ZCCHC4: variants seen among roughly 807,000 people sequenced by gnomAD.
ZCCHC4 encodes rRNA N(6)-adenosine-methyltransferase ZCCHC4.
In ZCCHC4, 54 loss-of-function variants were observed where a neutral mutation model predicts 67.7. The observed-to-expected ratio is 0.80, with a 90% CI of 0.64 to 1.00. The LOEUF is 1.00. Ranked by LOEUF, ZCCHC4 falls within the 50% of genes least tolerant of loss-of-function variation. The pLI is 0.00. For missense variants in ZCCHC4, 609 were observed against 617.0 expected (o/e 0.99, Z 0.14); for synonymous variants, 198 against 213.5 (o/e 0.93, Z 0.63).
intron 8 of ZCCHC4, among the ~76,000 whole-genome samples, chr4:25,355,914 G>T (rs1319846984): frequency 1.3e-5 from 2 of 152,190 alleles, no homozygotes; most frequent in South Asian, 2.1e-4. Context: ...CTTTGTGTGT[G>T]TGCTGAAATC....
At chr4:25,335,769 A>G (rs1719430146) in intron 5 of ZCCHC4, among the ~76,000 whole-genome samples, 1 of 152,208 alleles carries the variant, frequency 6.6e-6, no homozygotes, top group Admixed American at 6.5e-5. Context: ...TCAAAAAAAT[A>G]AAATGAAGTG....
chr4:25,327,615 G>T (rs1319351574), intron 3 of ZCCHC4, among the ~76,000 whole-genome samples: 1 of 152,066 alleles, frequency 6.6e-6, no homozygotes, highest in Non-Finnish European at 1.5e-5. Context: ...CAGTAGCTGG[G>T]ACTATAGGTG....
chr4:25,345,705 C>A, intron 6 of ZCCHC4, 85 bp downstream of exon 6: 2 of 874,656 alleles, frequency 2.3e-6, no homozygotes, highest in South Asian at 1.6e-5. Context: ...TTTCTAAATT[C>A]CCTCAAGGTC....
intron 4 of ZCCHC4, 90 bp from the exon 5 acceptor site, chr4:25,333,818 A>G (rs894109395): frequency 1.1e-6 from 1 of 901,920 alleles, no homozygotes; most frequent in Non-Finnish European, 1.6e-6. Flanking sequence ...CATAAATACC[A>G]GAAGAACATT....
At position 25,361,469 on chromosome 4, in the gene ZCCHC4, G is replaced by A. The variant is rs753146536; in HGVS notation, c.1012-390G>A. Among the ~76,000 whole-genome samples, 8 of 152,344 alleles carry A rather than the reference G, an allele frequency of 5.3e-5. No homozygotes were observed. The East Asian group carries it at 1.4e-3, about 26-fold the overall frequency. On this transcript the variant is annotated intron_variant, in intron 8 of 12. Transcript: ENST00000302874. ...ACAACTCCACATGTTATATAACCAC[G>A]CCATGTGAGGCTCATTAGGTGATCA...
At position 25,313,002 on chromosome 4, in the gene ZCCHC4, C is replaced by CT; in HGVS notation, c.127+70dup. 3 of 1,578,290 alleles carry CT rather than the reference C, an allele frequency of 1.9e-6. No individual in the cohort carries two copies. In the Admixed American group the frequency reaches 5.3e-5, roughly 28 times the overall value. On this transcript the variant is annotated intron_variant, in intron 1 of 12. Transcript: ENST00000302874. ...AGGGTGTGAGTTGGCTTGGAAGTGG[C>CT]TTTTGGGGCTCCTGTATTTTTACCC...
rs1000134812 is a variant in ZCCHC4 at position 25,314,159 on chromosome 4, G to C, written c.241G>C (p.Glu81Gln). 5.7e-6 allele frequency: 9 copies of C among 1,578,662 alleles called. No homozygotes were observed. The highest frequency in any genetic ancestry group is 7.7e-6 in the Non-Finnish European group (9 of 1,162,678). ...CTGTAATTTTTTTCAGTGGGAAGAT[G>C]AAAAGGTATATCAACTTTTTGGATA... ...KDCNFFQWED[E>Q]KLSGARLAAR... is the part of the protein sequence containing the mutation. The change falls in exon 2 of 13, where the codon GAA becomes CAA. Residue 81 changes from glutamate to glutamine, a missense_variant. By Grantham distance (29) the Glu-to-Gln change is conservative (BLOSUM62 2). Transcript: ENST00000302874.
intron 12 of ZCCHC4, among the ~76,000 whole-genome samples, chr4:25,368,626 G>T (rs1721034674): frequency 6.6e-6 from 1 of 152,122 alleles, no homozygotes; most frequent in Non-Finnish European, 1.5e-5. Context: ...TGTCTCTGCT[G>T]ACTGCCCCAT....
At chr4:25,342,222 A>G (rs954460729) in intron 5 of ZCCHC4, among the ~76,000 whole-genome samples, 1 of 152,128 alleles carries the variant, frequency 6.6e-6, no homozygotes, top group African/African-American at 2.4e-5. Context: ...AGCATGACGG[A>G]GTGTGTGGTT....
intron 12 of ZCCHC4, chr4:25,366,390 A>G (rs1720952474): frequency 5.7e-6 from 3 of 527,460 alleles, no homozygotes; most frequent in African/African-American, 2.2e-5. Context: ...ATCTCGGCTC[A>G]CTGTAAGCTC....
chr4:25,341,565 TATG>T (rs1421905818), intron 5 of ZCCHC4, among the ~76,000 whole-genome samples: 1 of 152,214 alleles, frequency 6.6e-6, no homozygotes, highest in Non-Finnish European at 1.5e-5. Flanking sequence ...ATGCTGGTGG[TATG>T]CTTGTACAGC....
At position 25,365,158 on chromosome 4, in the gene ZCCHC4, A is replaced by C. The variant is rs368205140; in HGVS notation, c.1398A>C (p.Arg466Ser). Residue 466 changes from arginine (R) to serine (S), a missense_variant, in exon 12 of 13, where the codon AGA (arginine) becomes AGC (serine). By Grantham distance (110) the Arg-to-Ser change is moderately radical. Transcript: ENST00000302874. The stretch of plus-strand genomic sequence containing the variant: ...GTCCTAACATTGCTACATCTAAGAG[A>C]GCTAACAAGTCAGTCGAATACTTTA... ...STCPNIATSK[R>S]ANKAVRKQKQ... 9.3e-5 allele frequency: 150 copies of C among 1,613,812 alleles called. No individual in the cohort carries two copies. The highest frequency in any genetic ancestry group is 8.8e-5 in the Non-Finnish European group (104 of 1,179,934).
intron 8 of ZCCHC4, among the ~76,000 whole-genome samples, chr4:25,354,700 G>T (rs1315648123): frequency 6.6e-6 from 1 of 151,474 alleles, no homozygotes; most frequent in Non-Finnish European, 1.5e-5. Context: ...ATCTCTCTGT[G>T]TTGCCCAGGC....
At chr4:25,362,417 TATC>T (rs1215319463) in intron 10 of ZCCHC4, 116 bp downstream of exon 10, 26 of 573,032 alleles carry the variant, frequency 4.5e-5, no homozygotes, top group Middle Eastern at 9.4e-4. Flanking sequence ...TAATATGTAT[TATC>T]ATTTATTAAT....
chr4:25,320,557 C>G (rs1325262894), intron 3 of ZCCHC4, among the ~76,000 whole-genome samples: 1 of 152,194 alleles, frequency 6.6e-6, no homozygotes, highest in Non-Finnish European at 1.5e-5. Flanking sequence ...TTCTCTCCCC[C>G]TGGGGAATGT....
At chr4:25,343,108 A>G (rs1186281993) in intron 5 of ZCCHC4, among the ~76,000 whole-genome samples, 1 of 152,226 alleles carries the variant, frequency 6.6e-6, no homozygotes, top group Non-Finnish European at 1.5e-5. Flanking sequence ...TTGTACTAGT[A>G]CTAATACACT....
At chr4:25,317,696 C>T (rs994320349) in intron 3 of ZCCHC4, among the ~76,000 whole-genome samples, 5 of 99,914 alleles carry the variant, frequency 5.0e-5, no homozygotes, top group Admixed American at 3.1e-4. Context: ...CAGAGTGAGA[C>T]GCTGTCACAA....
chr4:25,344,363 C>CA (rs1404760260), intron 5 of ZCCHC4, among the ~76,000 whole-genome samples: 2 of 145,908 alleles, frequency 1.4e-5, no homozygotes, highest in South Asian at 2.1e-4. Flanking sequence ...ATCGCAAGGA[C>CA]AAAAAACCAA....
chr4:25,345,762 C>A, intron 6 of ZCCHC4, 142 bp downstream of exon 6: 1 of 625,062 alleles, frequency 1.6e-6, no homozygotes, highest in Non-Finnish European at 2.8e-6. Context: ...TTTGTTCTTT[C>A]ACTGTTTATT....
Sources: gnomAD v4.1 joint callset for allele counts (sites outside exome capture counted in the v4.1 genomes callset) on GRCh38, gnomAD v4.1.1 for gene constraint, MANE v1.5 for transcripts, NCBI Gene and HGNC (gene_info 2026-07-23, HGNC 2026-07-21) for gene names.